RPS6KA2: variants seen among roughly 807,000 people sequenced by gnomAD.
RPS6KA2 encodes the protein ribosomal protein S6 kinase A2.
In RPS6KA2, 42 loss-of-function variants were observed where a neutral mutation model predicts 91.8. The observed-to-expected ratio is 0.46, with a 90% CI of 0.36 to 0.59. RPS6KA2 has a LOEUF of 0.59. Among genes scored for constraint, RPS6KA2 ranks in the 20% least tolerant of loss-of-function variants. RPS6KA2 has a pLI of 0.00. For missense variants in RPS6KA2, 798 were observed against 978.5 expected, an observed-to-expected ratio of 0.82 and a Z score of 2.46; for synonymous variants, 414 against 393.6, an observed-to-expected ratio of 1.05 and a Z score of -0.61.
At chr6:166,681,299 A>G (rs1367204617) in intron 2 of RPS6KA2, among the ~76,000 whole-genome samples, 2 of 152,222 alleles carry the variant, frequency 1.3e-5, no homozygotes, top group African/African-American at 4.8e-5. Flanking sequence ...GACTTGTACC[A>G]TTTCCTGATA....
chr6:166,418,312 A>G lies in RPS6KA2; in HGVS notation c.1851T>C (p.Asp617=). Residue 617 remains aspartate, a synonymous_variant, in exon 19 of 21, where the codon GAT becomes GAC. Transcript: ENST00000265678. The surrounding 1 kb of genome is among the most constrained non-coding windows in gnomAD (Gnocchi z 4.9). The part of the protein sequence containing the change: ...GFTPFANGPD[D]TPEEILARIG... ...TCCGCGCCAGAATCTCCTCAGGGGT[A>G]TCGTCTGGCCCATTTGCAAAAGGGG... 3.7e-6 allele frequency: 6 copies of G among 1,613,794 alleles called. No homozygotes were observed. The highest frequency in any genetic ancestry group is 4.2e-6 in the Non-Finnish European group (5 of 1,179,906).
chr6:166,829,310 G>A (rs1489866126), intron 2 of RPS6KA2, among the ~76,000 whole-genome samples: 1 of 152,104 alleles, frequency 6.6e-6, no homozygotes, highest in African/African-American at 2.4e-5. Flanking sequence ...ATGAATTATC[G>A]GCCGGGCGCG....
At position 166,448,796 on chromosome 6, in the gene RPS6KA2, G is replaced by A; in HGVS notation, c.1260C>T (p.Asp420=). ...HFTDGYEIKE[D]IGVGSYSVCK... ...ACACTGAGTAGGAGCCCACCCCGAT[G>A]TCCTCCTTGATCTCGTAGCCATCGG... Residue 420 remains aspartate, a synonymous_variant, in exon 14 of 21, where the codon GAC becomes GAT. Coordinates refer to ENST00000265678, the MANE Select transcript of RPS6KA2 (RefSeq NM_021135.6). This position sits in a 1 kb window ranked among gnomAD's most constrained non-coding sequence, Gnocchi z 4.7. 6.2e-7 allele frequency: 1 copy of A among 1,613,866 alleles called. No homozygotes were observed. The highest frequency in any genetic ancestry group is 8.5e-7 in the Non-Finnish European group (1 of 1,179,944).
At chr6:166,602,536 T>C (rs1652566518) in intron 1 of RPS6KA2, among the ~76,000 whole-genome samples, 1 of 152,068 alleles carries the variant, frequency 6.6e-6, no homozygotes, top group South Asian at 2.1e-4. Flanking sequence ...GAAGCAAACA[T>C]AGGAACCAAG....
chr6:166,681,657 G>A (rs998711050), intron 2 of RPS6KA2, among the ~76,000 whole-genome samples: 4 of 147,964 alleles, frequency 2.7e-5, no homozygotes, highest in Non-Finnish European at 5.9e-5. Flanking sequence ...CCAGCTCACA[G>A]GACCAGGCCT....
In RPS6KA2 at chr6:166,418,215, A is replaced by G; in HGVS notation, c.1938+10T>C. 4.6e-6 allele frequency: 7 copies of G among 1,538,390 alleles called. No individual in the cohort carries two copies. Among genetic ancestry groups the G allele is most frequent in the Non-Finnish European group, 6.3e-6 (7 of 1,114,018 alleles). On this transcript the variant is annotated intron_variant, in intron 19 of 20. Transcript: ENST00000265678. This position sits in a 1 kb window ranked among gnomAD's most constrained non-coding sequence, Gnocchi z 4.9. ...GAATATTTAAAAGCAACGCTGGGACATGTACTCACTTTAGCTGCGTCAGAT... is the reference window on the plus strand; with the variant it reads ...GAATATTTAAAAGCAACGCTGGGACGTGTACTCACTTTAGCTGCGTCAGAT...
chr6:166,593,893 A>G (rs1184085955), intron 1 of RPS6KA2, among the ~76,000 whole-genome samples: 1 of 152,218 alleles, frequency 6.6e-6, no homozygotes, highest in Non-Finnish European at 1.5e-5. Flanking sequence ...ATAGGAGAGT[A>G]AAAATCTCAG....
chr6:166,422,333 A>C (rs16898914), intron 17 of RPS6KA2, among the ~76,000 whole-genome samples: 6,268 of 152,226 alleles, frequency 0.041, 405 homozygotes, highest in African/African-American at 0.14. Flanking sequence ...GCATCTTTGC[A>C]ATGGACCAGT....
intron 1 of RPS6KA2, among the ~76,000 whole-genome samples, chr6:166,549,438 G>T (rs866726854): frequency 3.9e-5 from 6 of 152,166 alleles, no homozygotes; most frequent in Non-Finnish European, 8.8e-5. Context: ...TCAACAAGCT[G>T]CAGTACATCA....
At chr6:166,775,898 G>A in intron 2 of RPS6KA2, among the ~76,000 whole-genome samples, 1 of 152,224 alleles carries the variant, frequency 6.6e-6, no homozygotes, top group East Asian at 1.9e-4. Context: ...AAAGGATAAT[G>A]TCCTCGCGAT....
chr6:166,819,508 C>T (rs1356056463), intron 2 of RPS6KA2, among the ~76,000 whole-genome samples: 5 of 152,178 alleles, frequency 3.3e-5, no homozygotes, highest in Non-Finnish European at 7.3e-5. Context: ...GGTTTTGCAT[C>T]CCGCAAGTAC....
At chr6:166,690,267 C>T (rs1019864979) in intron 2 of RPS6KA2, among the ~76,000 whole-genome samples, 2 of 152,170 alleles carry the variant, frequency 1.3e-5, no homozygotes, top group Non-Finnish European at 2.9e-5. Flanking sequence ...GTCAAGCTGT[C>T]CTTACATCCA....
intron 1 of RPS6KA2, among the ~76,000 whole-genome samples, chr6:166,543,305 T>C (rs1045388772): frequency 3.3e-5 from 5 of 152,338 alleles, no homozygotes; most frequent in Middle Eastern, 3.4e-3. Flanking sequence ...GAATGTTCTA[T>C]GTTGCCCACC....
At chr6:166,707,200 C>T (rs1789704582) in intron 2 of RPS6KA2, among the ~76,000 whole-genome samples, 1 of 152,190 alleles carries the variant, frequency 6.6e-6, no homozygotes, top group Non-Finnish European at 1.5e-5. Context: ...TGTGCAATGC[C>T]GGGGTTGCCG....
At chr6:166,505,762 C>T (rs1029011391) in intron 5 of RPS6KA2, among the ~76,000 whole-genome samples, 2 of 152,220 alleles carry the variant, frequency 1.3e-5, no homozygotes, top group Non-Finnish European at 2.9e-5. Context: ...CCCCCGAGTC[C>T]CCGTCCTCCA....
At chr6:166,723,131 A>AC (rs1351108826) in intron 2 of RPS6KA2, among the ~76,000 whole-genome samples, 1 of 152,018 alleles carries the variant, frequency 6.6e-6, no homozygotes, top group Non-Finnish European at 1.5e-5. Flanking sequence ...CCTTAAATGG[A>AC]CCCCCGCCTG....
chr6:166,843,427 T>C (rs190909180), intron 2 of RPS6KA2, among the ~76,000 whole-genome samples: 49 of 152,252 alleles, frequency 3.2e-4, no homozygotes, highest in Non-Finnish European at 5.6e-4. Flanking sequence ...GCTGATGCAC[T>C]CCTGAAAGCA....
intron 1 of RPS6KA2, among the ~76,000 whole-genome samples, chr6:166,578,204 T>C (rs1410576457): frequency 6.6e-6 from 1 of 152,176 alleles, no homozygotes; most frequent in African/African-American, 2.4e-5. Flanking sequence ...TTCCTGACCC[T>C]CAAGATGCTG....
chr6:166,853,017 A>G (rs1264164961), intron 2 of RPS6KA2, among the ~76,000 whole-genome samples: 2 of 152,234 alleles, frequency 1.3e-5, no homozygotes, highest in Admixed American at 6.5e-5. Flanking sequence ...CGTAGCCACA[A>G]GGAAATGAAG....
Sources: gnomAD v4.1 joint callset for allele counts (sites outside exome capture counted in the v4.1 genomes callset) on GRCh38, gnomAD v4.1.1 for gene constraint, Gnocchi (gnomAD v3.1) non-coding constraint, MANE v1.5 for transcripts, NCBI Gene and HGNC (gene_info 2026-07-23, HGNC 2026-07-21) for gene names.